The following CNTNAP2 variants were observed in gnomAD, a reference collection of about 807,000 sequenced individuals.
The protein encoded by CNTNAP2 is contactin-associated protein-like 2.
CNTNAP2 carries 98 observed loss-of-function variants against 155.2 expected under a neutral mutation model. The observed-to-expected ratio is 0.63, with a 90% CI of 0.54 to 0.75. The LOEUF (loss-of-function observed/expected upper bound fraction) is 0.75, where lower values mean the gene tolerates loss of function less well. Ranked by LOEUF, CNTNAP2 falls within the 30% of genes least tolerant of loss-of-function variation. The probability of loss-of-function intolerance (pLI) is 0.00; values close to 1 mark genes in which losing one functional copy is unlikely to be tolerated. For missense variants in CNTNAP2, 1,727 were observed against 1,688.1 expected, an observed-to-expected ratio of 1.02 and a Z score of -0.40; for synonymous variants, 651 against 631.2, an observed-to-expected ratio of 1.03 and a Z score of -0.47.
At chr7:147,496,565 A>G (rs1798711494) in intron 11 of CNTNAP2, 1 of 152,178 alleles carries the variant, frequency 6.6e-6, no homozygotes. Flanking sequence ...CTAATTTTAT[A>G]TTCTCTTGTG....
At chr7:148,115,601 G>A (rs2116604255) in intron 15 of CNTNAP2, among the ~76,000 whole-genome samples, 1 of 152,196 alleles carries the variant, frequency 6.6e-6, no homozygotes. Context: ...TGATGAGCGA[G>A]AGCGTAGATT....
chr7:147,965,372 A>G (rs758049980), intron 14 of CNTNAP2, among the ~76,000 whole-genome samples: 2 of 151,924 alleles, frequency 1.3e-5, no homozygotes, highest in Non-Finnish European at 2.9e-5. Flanking sequence ...AAACTCCTCT[A>G]GTTTCTGCCC....
At chr7:147,564,881 G>A (rs1256557419) in intron 12 of CNTNAP2, among the ~76,000 whole-genome samples, 2 of 152,144 alleles carry the variant, frequency 1.3e-5, no homozygotes, top group East Asian at 3.9e-4. Flanking sequence ...AAACATCAGT[G>A]TGTTCAAGGA....
intron 1 of CNTNAP2, among the ~76,000 whole-genome samples, chr7:146,505,751 A>G (rs1797374879): frequency 6.6e-6 from 1 of 152,170 alleles, no homozygotes; most frequent in Non-Finnish European, 1.5e-5. Context: ...GCAGGCAACA[A>G]CAGATTACCA....
At chr7:148,091,041 T>G (rs1470540642) in intron 15 of CNTNAP2, among the ~76,000 whole-genome samples, 1 of 151,624 alleles carries the variant, frequency 6.6e-6, no homozygotes, top group Non-Finnish European at 1.5e-5. Flanking sequence ...GAACAAAGAG[T>G]AAAATAGTGG....
chr7:146,367,600 C>T (rs1795173805), intron 1 of CNTNAP2, among the ~76,000 whole-genome samples: 1 of 151,972 alleles, frequency 6.6e-6, no homozygotes, highest in Non-Finnish European at 1.5e-5. Context: ...TTACAGAGTC[C>T]TTTGAGAGAC....
intron 19 of CNTNAP2, among the ~76,000 whole-genome samples, chr7:148,229,352 C>T (rs1051676164): frequency 2.0e-5 from 3 of 152,072 alleles, no homozygotes; most frequent in African/African-American, 7.2e-5. Context: ...GGTGAAACCC[C>T]CATCACTACT....
chr7:148,158,458 T>G (rs1187450743), intron 17 of CNTNAP2, among the ~76,000 whole-genome samples: 1 of 152,122 alleles, frequency 6.6e-6, no homozygotes, highest in Non-Finnish European at 1.5e-5. Flanking sequence ...CTCGAGCTCA[T>G]GATCCGCTGG....
chr7:146,490,075 C>G (rs1797116461), intron 1 of CNTNAP2, among the ~76,000 whole-genome samples: 1 of 152,158 alleles, frequency 6.6e-6, no homozygotes, highest in African/African-American at 2.4e-5. Flanking sequence ...GCTTGGCTTT[C>G]AGGCTTTAAA....
At chr7:146,955,590 G>A (rs1270246247) in intron 3 of CNTNAP2, among the ~76,000 whole-genome samples, 1 of 151,936 alleles carries the variant, frequency 6.6e-6, no homozygotes, top group African/African-American at 2.4e-5. Context: ...TAGGGTAATT[G>A]TAAATATGAT....
At chr7:147,783,905 C>T (rs114765993) in intron 13 of CNTNAP2, among the ~76,000 whole-genome samples, 3,109 of 152,196 alleles carry the variant, frequency 0.02, 92 homozygotes, top group African/African-American at 0.071. Context: ...AAATAAATTT[C>T]TATAGTTTGC....
chr7:147,804,389 T>G (rs1327461242), intron 13 of CNTNAP2, among the ~76,000 whole-genome samples: 1 of 152,178 alleles, frequency 6.6e-6, no homozygotes, highest in East Asian at 1.9e-4. Flanking sequence ...CTGGTGCTCT[T>G]CTGGGCAGGG....
chr7:147,744,299 A>T (rs1917617), intron 13 of CNTNAP2, among the ~76,000 whole-genome samples: 90,428 of 152,090 alleles, frequency 0.59, 29,813 homozygotes, highest in East Asian at 0.94. Flanking sequence ...GAACATTTAA[A>T]ATTAATTCAA....
At chr7:147,508,273 C>G (rs1798950474) in intron 11 of CNTNAP2, among the ~76,000 whole-genome samples, 1 of 152,126 alleles carries the variant, frequency 6.6e-6, no homozygotes, top group South Asian at 2.1e-4. Context: ...CCCCTGTCCC[C>G]CATTCCAACC....
chr7:148,058,533 C>T (rs1467858507), intron 15 of CNTNAP2, among the ~76,000 whole-genome samples: 6 of 151,988 alleles, frequency 3.9e-5, no homozygotes, highest in South Asian at 2.1e-4. Context: ...CTTTATGGCC[C>T]GTAGTTTTAC....
At chr7:146,570,647 A>G (rs561436987) in intron 1 of CNTNAP2, among the ~76,000 whole-genome samples, 1 of 152,216 alleles carries the variant, frequency 6.6e-6, no homozygotes, top group East Asian at 1.9e-4. Context: ...GTGAAATCCT[A>G]TATGAAATTG....
intron 16 of CNTNAP2, among the ~76,000 whole-genome samples, chr7:148,123,686 A>AGGAAGG (rs1474670092): frequency 6.8e-6 from 1 of 146,918 alleles, no homozygotes; most frequent in African/African-American, 2.5e-5. Context: ...GAAGGAAGGA[A>AGGAAGG]AAAGAAAGAG....
intron 1 of CNTNAP2, among the ~76,000 whole-genome samples, chr7:146,721,889 A>ATATATTTTTTTTTTTTTTTTTTTTTT: frequency 4.3e-5 from 3 of 69,734 alleles, no homozygotes; most frequent in Non-Finnish European, 7.1e-5. Context: ...ATATATATAT[A>ATATATTTTTTTTTTTTTTTTTTTTTT]TTTTTTTTTT....
chr7:146,393,473 A>C lies in CNTNAP2; in HGVS notation c.97+276500A>C, dbSNP rs186829380. 1.1e-4 allele frequency among the ~76,000 whole-genome samples: 17 copies of C among 152,264 alleles called. No homozygotes were observed. The East Asian group carries it at 3.3e-3, about 29-fold the overall frequency. On this transcript the variant is annotated intron_variant, in intron 1 of 23. Coordinates refer to ENST00000361727, the MANE Select transcript of CNTNAP2 (RefSeq NM_014141.6). ...TGGTGTCTTGCATTGTGAGGTTAAT[A>C]GGACCAATCAGTGGGGATGAATTAT...
Sources: allele counts gnomAD v4.1 joint callset (sites outside exome capture counted in the v4.1 genomes callset), GRCh38; gene constraint gnomAD v4.1.1; transcripts MANE v1.5; gene names NCBI Gene and HGNC (gene_info 2026-07-23, HGNC 2026-07-21).